Variants in RYR2 observed in about 807,000 individuals in gnomAD.
The protein encoded by RYR2 is ryanodine receptor 2.
Under a neutral mutation model 601.1 loss-of-function variants are expected in RYR2, and 227 were observed. The observed-to-expected ratio is 0.38, with a 90% confidence interval of 0.34 to 0.42. The LOEUF is 0.42. RYR2 is among the 10% of genes least tolerant of loss of function. RYR2 has a pLI of 1.00. For synonymous variants in RYR2, 2,223 were observed against 2,175.1 expected (o/e 1.02, Z -0.61); for missense variants, 4,646 against 6,156.5 (o/e 0.75, Z 8.21).
chr1:237,361,840 T>C (rs1268762219), intron 4 of RYR2, among the ~76,000 whole-genome samples: 1 of 152,230 alleles, frequency 6.6e-6, no homozygotes, highest in Non-Finnish European at 1.5e-5. Flanking sequence ...ATTCTCTTGA[T>C]ATCCAGTATT....
chr1:237,713,720 T>G (rs541930786), intron 71 of RYR2, among the ~76,000 whole-genome samples: 62 of 152,206 alleles, frequency 4.1e-4, no homozygotes, highest in African/African-American at 1.0e-3. Context: ...AAAAAATATA[T>G]ATAGATAGAT....
chr1:237,377,488 A>G, intron 8 of RYR2, 53 bp downstream of exon 8: 1 of 1,331,198 alleles, frequency 7.5e-7, no homozygotes, highest in Non-Finnish European at 1.1e-6. Context: ...ATGACAAGTC[A>G]ATAAAATGAT....
chr1:237,506,583 G>T, intron 22 of RYR2, 127 bp from the exon 23 acceptor site: 2 of 583,666 alleles, frequency 3.4e-6, no homozygotes, highest in Non-Finnish European at 6.0e-6. Flanking sequence ...AGATGGCTTA[G>T]AACTTTGTTC....
At chr1:237,473,466 T>TTTCTTTCTTTCTTTC (rs1661009039) in intron 17 of RYR2, among the ~76,000 whole-genome samples, 1 of 148,450 alleles carries the variant, frequency 6.7e-6, no homozygotes, top group African/African-American at 2.4e-5. Flanking sequence ...TCTTTCTATC[T>TTTCTTTCTTTCTTTC]ATCTATCTAT....
At chr1:237,650,152 A>C (rs1269674821) in intron 50 of RYR2, 55 bp downstream of exon 50, 5 of 1,476,768 alleles carry the variant, frequency 3.4e-6, no homozygotes, top group Non-Finnish European at 4.7e-6. Context: ...AGAATTTACA[A>C]TGTGGCCTTT....
At chr1:237,159,561 G>A (rs1488330458) in intron 1 of RYR2, among the ~76,000 whole-genome samples, 5 of 150,584 alleles carry the variant, frequency 3.3e-5, no homozygotes, top group South Asian at 2.1e-4. Flanking sequence ...CACAGATTAC[G>A]GGCTCATGCC....
intron 2 of RYR2, among the ~76,000 whole-genome samples, chr1:237,293,818 T>C (rs550026812): frequency 1.3e-5 from 2 of 152,286 alleles, no homozygotes; most frequent in Non-Finnish European, 2.9e-5. Flanking sequence ...TTCTGACTCT[T>C]ATCTTTTTGG....
intron 1 of RYR2, among the ~76,000 whole-genome samples, chr1:237,125,239 T>A (rs968476411): frequency 6.6e-6 from 1 of 152,072 alleles, no homozygotes; most frequent in African/African-American, 2.4e-5. Context: ...ATTTTTAAGG[T>A]CGCCACGCCC....
At chr1:237,596,887 A>G (rs1559087492) in intron 34 of RYR2, among the ~76,000 whole-genome samples, 1 of 152,222 alleles carries the variant, frequency 6.6e-6, no homozygotes, top group Non-Finnish European at 1.5e-5. Context: ...TCAGCCAAGA[A>G]TACTATGTCT....
Position 237,698,259 on chromosome 1 carries a change from T to C in RYR2, c.9068-706T>C, listed in dbSNP as rs568390617. On this transcript the variant is annotated intron_variant, in intron 63 of 104. Transcript: ENST00000366574. ...TGTATCCCCATTACGAAGAAAAATA[T>C]ATGTAATGCTTTTATCACTCATATT... 2.6e-5 allele frequency among the ~76,000 whole-genome samples: 4 copies of C among 152,174 alleles called. No individual in the cohort carries two copies. The East Asian group carries it at 7.7e-4, about 29-fold the overall frequency.
intron 24 of RYR2, among the ~76,000 whole-genome samples, chr1:237,524,378 G>T (rs556487709): frequency 6.6e-6 from 1 of 152,296 alleles, no homozygotes; most frequent in Non-Finnish European, 1.5e-5. Context: ...ACATAAAGTA[G>T]CTTAGGGGCT....
chr1:237,459,653 A>G (rs1479887184), intron 16 of RYR2, among the ~76,000 whole-genome samples: 2 of 152,204 alleles, frequency 1.3e-5, no homozygotes, highest in Non-Finnish European at 2.9e-5. Flanking sequence ...CAAAGTTAGC[A>G]CTTCAGCTTT....
chr1:237,407,606 G>GTTTTTT (rs1553440218), intron 10 of RYR2, among the ~76,000 whole-genome samples: 2 of 52,066 alleles, frequency 3.8e-5, no homozygotes, highest in African/African-American at 8.4e-5. Context: ...TTAAATTGTG[G>GTTTTTT]TTGTTTTTTT....
At chr1:237,547,301 C>T (rs1238645755) in intron 25 of RYR2, among the ~76,000 whole-genome samples, 9 of 151,974 alleles carry the variant, frequency 5.9e-5, no homozygotes, top group Non-Finnish European at 8.8e-5. Flanking sequence ...CCACTGTGCC[C>T]GGCCTTTTCT....
In RYR2 at chr1:237,833,349, T is replaced by G. The variant is rs569866945; in HGVS notation, c.*702T>G. On this transcript the variant is annotated 3_prime_UTR_variant, in exon 105 of 105. Coordinates refer to ENST00000366574, the MANE Select transcript of RYR2 (RefSeq NM_001035.3). ...TCTTCTCATTCAGCTAAATTCACATTTGCCCCCCCCCCCCGCCCCCGCCCC... is the reference window on the plus strand; with the variant it reads ...TCTTCTCATTCAGCTAAATTCACATGTGCCCCCCCCCCCCGCCCCCGCCCC... The G allele has an allele frequency of 2.9e-5, 4 of 137,794 alleles. No homozygotes were observed. The highest frequency in any genetic ancestry group is 2.9e-4 in the Admixed American group (4 of 13,824). 8.5% of individuals were successfully genotyped at this position (137,794 alleles called of 1,614,324 possible). A position where few individuals can be genotyped will look rare whatever the true frequency, so the allele number is the denominator to read the frequency against.
chr1:237,574,596 A>G (rs1327172989), intron 29 of RYR2, among the ~76,000 whole-genome samples: 1 of 152,170 alleles, frequency 6.6e-6, no homozygotes, highest in Non-Finnish European at 1.5e-5. Context: ...AGTCAGAGAG[A>G]TACAAAATAT....
chr1:237,169,859 CTT>C (rs5781938), intron 1 of RYR2, among the ~76,000 whole-genome samples: 61,250 of 151,854 alleles, frequency 0.4, 14,956 homozygotes, highest in Non-Finnish European at 0.53. Flanking sequence ...GATCTCCTAT[CTT>C]TTATGATTTT....
chr1:237,575,520 G>C (rs1489283667), intron 29 of RYR2, among the ~76,000 whole-genome samples: 3 of 152,036 alleles, frequency 2.0e-5, no homozygotes, highest in Non-Finnish European at 4.4e-5. Context: ...ATAGAGGCCT[G>C]AGATCTCTCT....
chr1:237,616,216 G>A (rs1678449671), intron 37 of RYR2, among the ~76,000 whole-genome samples: 1 of 152,164 alleles, frequency 6.6e-6, no homozygotes, highest in African/African-American at 2.4e-5. Context: ...GTGACACAGA[G>A]GGTTTTAAGG....
Sources: gnomAD v4.1 joint callset for allele counts (sites outside exome capture counted in the v4.1 genomes callset) on GRCh38, gnomAD v4.1.1 for gene constraint, MANE v1.5 for transcripts, NCBI Gene and HGNC (gene_info 2026-07-23, HGNC 2026-07-21) for gene names.